Variants in TDG observed in about 807,000 individuals in gnomAD.
The protein encoded by TDG is thymine DNA glycosylase, also known as G/T mismatch-specific thymine DNA glycosylase.
A neutral mutation model predicts 46.1 loss-of-function variants in TDG; 23 were observed. The observed-to-expected ratio is 0.50, with a 90% CI of 0.36 to 0.71. The LOEUF is 0.71. TDG is among the 30% of genes least tolerant of loss of function. The pLI is 0.00. For missense variants in TDG, 304 were observed against 486.7 expected (o/e 0.62, Z 3.53); for synonymous variants, 115 against 161.3 (o/e 0.71, Z 2.18).
At chr12:103,967,456 C>CT (rs35778626) in intron 1 of TDG, among the ~76,000 whole-genome samples, 16,630 of 121,260 alleles carry the variant, frequency 0.14, 1,288 homozygotes, top group Admixed American at 0.18. Context: ...AATAAATTTA[C>CT]TTTTTTTTTT....
At chr12:103,985,813 T>G in intron 9 of TDG, 85 bp downstream of exon 9, 2 of 1,311,630 alleles carry the variant, frequency 1.5e-6, no homozygotes. Flanking sequence ...GAGAGTAAAT[T>G]ATTGAAGAAT....
chr12:103,966,577 G>T (rs1871040098), intron 1 of TDG, among the ~76,000 whole-genome samples: 1 of 152,156 alleles, frequency 6.6e-6, no homozygotes, highest in Admixed American at 6.5e-5. Flanking sequence ...ACACTCTCGA[G>T]TAGTCAATCT....
At chr12:103,969,144 T>A (rs1325273898) in intron 1 of TDG, among the ~76,000 whole-genome samples, 1 of 152,216 alleles carries the variant, frequency 6.6e-6, no homozygotes, top group Non-Finnish European at 1.5e-5. Context: ...CTGTTTTGGA[T>A]GTTTTACATA....
chr12:103,980,632 G>C (rs1263059948), intron 3 of TDG: 3 of 341,994 alleles, frequency 8.8e-6, no homozygotes, highest in African/African-American at 4.3e-5. Context: ...CAGTTGGTGA[G>C]GGTGCGAGGC....
intron 2 of TDG, among the ~76,000 whole-genome samples, chr12:103,978,331 G>GTGCC (rs4135091): frequency 0.014 from 2,202 of 152,194 alleles, 43 homozygotes; most frequent in Middle Eastern, 0.024. Flanking sequence ...GTTGGAGGAG[G>GTGCC]TGCCACTCAC....
rs539974584 is a variant in TDG, at chr12:103,967,216, A to G, written c.23+1156A>G. Among the ~76,000 whole-genome samples, 3 of 152,314 alleles carry G rather than the reference A, an allele frequency of 2.0e-5. No homozygotes were observed. The South Asian group carries it at 6.2e-4, about 32-fold the overall frequency. On this transcript the variant is annotated intron_variant, in intron 1 of 9. Coordinates refer to ENST00000392872, the MANE Select transcript of TDG (RefSeq NM_003211.6). ...ATTCAGGGTCTTACAGCAAAATAGT[A>G]GGACTTCAATACACTGTTTAGCTCA...
At chr12:103,977,329 G>C (rs548890252) in intron 2 of TDG, among the ~76,000 whole-genome samples, 1 of 152,316 alleles carries the variant, frequency 6.6e-6, no homozygotes, top group East Asian at 1.9e-4. Flanking sequence ...GGCATAGAAT[G>C]AATGCCCTGA....
chr12:103,967,399 A>T (rs1231069123), intron 1 of TDG, among the ~76,000 whole-genome samples: 1 of 151,384 alleles, frequency 6.6e-6, no homozygotes, highest in African/African-American at 2.4e-5. Flanking sequence ...GTTCTCTGTC[A>T]CCCTTGACTG....
rs745477228 is a variant in TDG, at chr12:103,965,877, C to T, written c.-161C>T. 3.5e-5 allele frequency: 41 copies of T among 1,167,230 alleles called. No homozygotes were observed. Among genetic ancestry groups the T allele is most frequent in the Admixed American group, 8.3e-5 (3 of 36,142 alleles). 72.3% of individuals were successfully genotyped at this position (1,167,230 alleles called of 1,614,324 possible). A position where few individuals can be genotyped will look rare whatever the true frequency, so the allele number is the denominator to read the frequency against. ...GGGGGTCCGTGGGGGACGGTAGAAG[C>T]CTGGAGGAGGAGCTTGAGTCCAGCC... On this transcript the variant is annotated 5_prime_UTR_variant, in exon 1 of 10. Coordinates refer to ENST00000392872, the MANE Select transcript of TDG (RefSeq NM_003211.6).
intron 8 of TDG, among the ~76,000 whole-genome samples, 181 bp downstream of exon 8, chr12:103,985,101 A>G (rs890721619): frequency 2.6e-5 from 4 of 151,700 alleles, no homozygotes; most frequent in African/African-American, 9.7e-5. Flanking sequence ...ATGTATGTCT[A>G]TATACATATA....
chr12:103,966,892 T>C (rs1262772057), intron 1 of TDG, among the ~76,000 whole-genome samples: 2 of 152,190 alleles, frequency 1.3e-5, no homozygotes, highest in African/African-American at 2.4e-5. Flanking sequence ...GGCCTGTTCA[T>C]GTCTGTAAAG....
intron 1 of TDG, among the ~76,000 whole-genome samples, chr12:103,971,947 T>A (rs1871301753): frequency 6.6e-6 from 1 of 152,190 alleles, no homozygotes; most frequent in Non-Finnish European, 1.5e-5. Flanking sequence ...TTTGTTACTG[T>A]CCTTCTCATA....
intron 4 of TDG, among the ~76,000 whole-genome samples, chr12:103,982,099 CATCTT>C (rs1235598972): frequency 6.6e-6 from 1 of 152,156 alleles, no homozygotes; most frequent in Non-Finnish European, 1.5e-5. Context: ...GTATATAAAT[CATCTT>C]ATTTTATACT....
At chr12:103,966,138 C>G in intron 1 of TDG, 78 bp downstream of exon 1, 1 of 1,406,458 alleles carries the variant, frequency 7.1e-7, no homozygotes, top group South Asian at 1.5e-5. Flanking sequence ...CGCGCGCACG[C>G]AGGGGTCTTT....
intron 2 of TDG, 86 bp downstream of exon 2, chr12:103,977,146 A>G (rs1871582671): frequency 6.5e-7 from 1 of 1,527,988 alleles, no homozygotes; most frequent in South Asian, 1.3e-5. Context: ...TTTTAGCTCT[A>G]TTTTAGTGTT....
At chr12:103,983,779 ATATATCT>A (rs1256400839) in intron 7 of TDG, among the ~76,000 whole-genome samples, 4 of 152,246 alleles carry the variant, frequency 2.6e-5, no homozygotes, top group African/African-American at 7.2e-5. Context: ...TGCCCCATTT[ATATATCT>A]TAGCTCAACT....
intron 1 of TDG, among the ~76,000 whole-genome samples, chr12:103,975,131 T>C (rs1053703074): frequency 5.9e-5 from 9 of 152,226 alleles, no homozygotes; most frequent in African/African-American, 9.6e-5. Flanking sequence ...TCATCAAATA[T>C]GTGTTTACTT....
At chr12:103,974,974 C>CA (rs34864393) in intron 1 of TDG, among the ~76,000 whole-genome samples, 259 of 76,906 alleles carry the variant, frequency 3.4e-3, no homozygotes, top group East Asian at 0.011. Flanking sequence ...GACTCCGTCT[C>CA]AAAAAAAAAA....
At chr12:103,974,804 A>G (rs556572053) in intron 1 of TDG, among the ~76,000 whole-genome samples, 79 of 151,824 alleles carry the variant, frequency 5.2e-4, no homozygotes, top group Non-Finnish European at 1.0e-3. Context: ...CCCTGTCTCT[A>G]CTAAAAATAT....
Sources: allele counts gnomAD v4.1 joint callset (sites outside exome capture counted in the v4.1 genomes callset), GRCh38; gene constraint gnomAD v4.1.1; transcripts MANE v1.5; gene names NCBI Gene and HGNC (gene_info 2026-07-23, HGNC 2026-07-21).